The following KIAA1549L variants were observed in gnomAD, a reference collection of about 807,000 sequenced individuals.
The protein encoded by KIAA1549L is UPF0606 protein KIAA1549L.
In KIAA1549L, 88 loss-of-function variants were observed where a neutral mutation model predicts 160.7. That is an observed-to-expected ratio of 0.55 (90% CI 0.46 to 0.65). The LOEUF is 0.65. Among genes scored for constraint, KIAA1549L ranks in the 30% least tolerant of loss-of-function variants. The probability of loss-of-function intolerance (pLI) is 0.00; values close to 1 mark genes in which losing one functional copy is unlikely to be tolerated. For missense variants in KIAA1549L, 2,258 were observed against 2,437.5 expected, an observed-to-expected ratio of 0.93 and a Z score of 1.55; for synonymous variants, 950 against 976.7, an observed-to-expected ratio of 0.97 and a Z score of 0.51.
At chr11:33,544,406 A>G (rs1854162104) in intron 2 of KIAA1549L, 70 bp downstream of exon 2, 24 of 1,469,118 alleles carry the variant, frequency 1.6e-5, no homozygotes, top group Admixed American at 1.0e-4. Context: ...TTTGTGGTCA[A>G]AGCATCTTCA....
At chr11:33,637,217 C>A (rs1851459146) in intron 16 of KIAA1549L, among the ~76,000 whole-genome samples, 1 of 152,208 alleles carries the variant, frequency 6.6e-6, no homozygotes, top group Non-Finnish European at 1.5e-5. Context: ...GTCAGCAGCT[C>A]TGCCAGTTCT....
chr11:33,543,542 G>A lies in KIAA1549L; in HGVS notation c.1979G>A (p.Gly660Glu), dbSNP rs1190702665. 6.2e-7 allele frequency: 1 copy of A among 1,613,978 alleles called. No homozygotes were observed. The highest frequency in any genetic ancestry group is 8.5e-7 in the Non-Finnish European group (1 of 1,179,886). ...EAYAAAVDHS[G>E]LPASASKQVR... ...TATGCAGCTGCTGTGGACCATTCTG[G>A]GTTGCCAGCTTCAGCTTCCAAACAG... Residue 660 changes from glycine to glutamate, a missense_variant, in exon 2 of 21, where the codon GGG becomes GAG. Gly to Glu is a moderately conservative substitution (Grantham distance 98). Transcript: ENST00000658780.
chr11:33,664,339 A>C lies in KIAA1549L; in HGVS notation c.6159+3325A>C, dbSNP rs753822755. On this transcript the variant is annotated intron_variant, in intron 20 of 20. Transcript: ENST00000658780. ...TAGACTCCCCCTCTGCCTGACACCC[A>C]TCCGTGGCTCCCAGCCAGGCGTCAG... Among the ~76,000 whole-genome samples, 4 of 39,056 alleles carry C rather than the reference A, an allele frequency of 1.0e-4. No individual in the cohort carries two copies. The East Asian group carries it at 3.1e-3, about 31-fold the overall frequency. 25.6% of individuals were successfully genotyped at this position (39,056 alleles called of 152,430 possible). A position where few individuals can be genotyped will look rare whatever the true frequency, so the allele number is the denominator to read the frequency against.
At chr11:33,454,976 C>T (rs894802710) in intron 1 of KIAA1549L, among the ~76,000 whole-genome samples, 7 of 152,136 alleles carry the variant, frequency 4.6e-5, no homozygotes, top group Admixed American at 4.6e-4. Context: ...GTAGTCCCAG[C>T]TACTCGGGAG....
chr11:33,456,562 C>T lies in KIAA1549L; in HGVS notation c.238+79673C>T, dbSNP rs1248208480. 2.0e-5 allele frequency among the ~76,000 whole-genome samples: 3 copies of T among 152,068 alleles called. No individual in the cohort carries two copies. The East Asian group carries it at 5.8e-4, about 29-fold the overall frequency. ...AGTAGCTGGGACCACAGACATGAGC[C>T]ACCACCCCTGGTCAATTTTCATATT... On this transcript the variant is annotated intron_variant, in intron 1 of 20. Coordinates refer to ENST00000658780, the MANE Select transcript of KIAA1549L (RefSeq NM_012194.3).
chr11:33,528,971 G>GT (rs532821454), intron 1 of KIAA1549L, among the ~76,000 whole-genome samples: 56 of 152,226 alleles, frequency 3.7e-4, no homozygotes, highest in African/African-American at 1.0e-3. Flanking sequence ...TTATTGAAAT[G>GT]TTTTTTAAAA....
At position 33,671,215 on chromosome 11, in the gene KIAA1549L, A is replaced by C. The variant is rs1590478339; in HGVS notation, c.*3061A>C. On this transcript the variant is annotated 3_prime_UTR_variant, in exon 21 of 21. Transcript: ENST00000658780. Reference sequence around the variant, plus strand: ...TACCATCAAGGAAACGGAGACCTCAACTGCTGTTCTAGACTGTGGGGGTGC... The same window carrying C: ...TACCATCAAGGAAACGGAGACCTCACCTGCTGTTCTAGACTGTGGGGGTGC... 1 of 152,182 alleles carries C rather than the reference A, an allele frequency of 6.6e-6. No individual in the cohort carries two copies. The allele number at this position is 152,182 out of a possible 1,614,324, so 9.4% of individuals were successfully genotyped here.
Position 33,645,749 on chromosome 11 carries a change from A to G in KIAA1549L, c.5473A>G (p.Arg1825Gly). The change falls in exon 17 of 21, where the codon AGG (arginine) becomes GGG (glycine). Residue 1825 changes from arginine (R) to glycine (G), a missense_variant. Transcript: ENST00000658780. ...AGTTCCTGAGCCCCGGGGCTATTCC[A>G]GGTCTCGACAGGTGAAAGGCCACTC... ...DRVPEPRGYS[R>G]SRQVKGHSET... 1 of 1,613,968 alleles carries G rather than the reference A, an allele frequency of 6.2e-7. No homozygotes were observed. The highest frequency in any genetic ancestry group is 8.5e-7 in the Non-Finnish European group (1 of 1,179,870).
chr11:33,627,691 T>C (rs1331673804), intron 16 of KIAA1549L, among the ~76,000 whole-genome samples: 1 of 152,220 alleles, frequency 6.6e-6, no homozygotes, highest in African/African-American at 2.4e-5. Flanking sequence ...TTAGTCTTGC[T>C]AATAAACAAA....
At position 33,588,494 on chromosome 11, in the gene KIAA1549L, C is replaced by T. The variant is rs576615207; in HGVS notation, c.4567-2743C>T. 1.2e-4 allele frequency among the ~76,000 whole-genome samples: 18 copies of T among 152,092 alleles called. No homozygotes were observed. The South Asian group carries it at 3.7e-3, about 32-fold the overall frequency. On this transcript the variant is annotated intron_variant, in intron 11 of 20. Coordinates refer to ENST00000658780, the MANE Select transcript of KIAA1549L (RefSeq NM_012194.3). ...TAATTTTGGAAGCTCATCGGGGAGG[C>T]CTGGAAAGGAGCTAAATTGGAAGCA...
At chr11:33,568,357 C>G (rs564396683) in intron 9 of KIAA1549L, 130 bp downstream of exon 9, 7 of 811,774 alleles carry the variant, frequency 8.6e-6, no homozygotes, top group Non-Finnish European at 3.6e-6. Context: ...GCCATTTTAT[C>G]AAGGCTGCTC....
chr11:33,551,231 G>A lies in KIAA1549L; in HGVS notation c.3693G>A (p.Gln1231=), dbSNP rs530518732. Residue 1231 remains glutamine, a synonymous_variant, in exon 5 of 21, where the codon CAG becomes CAA. Coordinates refer to ENST00000658780, the MANE Select transcript of KIAA1549L (RefSeq NM_012194.3). ...TACTTGCCTCCCCATGGAATCCCCA[G>A]CCTGCAGGCTACTTCCAGCTAAAAA... ...VAVLASPWNP[Q]PAGYFQLKTV... is the part of the protein sequence containing the mutation. The A allele has an allele frequency of 6.2e-7, 1 of 1,613,438 alleles. No homozygotes were observed. The highest frequency in any genetic ancestry group is 1.3e-5 in the African/African-American group (1 of 75,020).
chr11:33,617,088 G>A (rs552455222), intron 15 of KIAA1549L, among the ~76,000 whole-genome samples: 2 of 149,648 alleles, frequency 1.3e-5, no homozygotes, highest in East Asian at 3.9e-4. Flanking sequence ...CTGCAGTGAG[G>A]TTATACCGCT....
intron 13 of KIAA1549L, 148 bp from the exon 14 acceptor site, chr11:33,606,493 C>T (rs770182154): frequency 1.2e-5 from 8 of 689,142 alleles, no homozygotes; most frequent in East Asian, 2.8e-5. Flanking sequence ...CTAGCAGTAG[C>T]GAGTCCTTGG....
At chr11:33,648,024 T>TGTCA (rs1399562310) in intron 17 of KIAA1549L, among the ~76,000 whole-genome samples, 1 of 152,198 alleles carries the variant, frequency 6.6e-6, no homozygotes, top group African/African-American at 2.4e-5. Context: ...AGTCTCACTC[T>TGTCA]GTCACCCAGG....
chr11:33,599,209 G>C (rs1025148965), intron 13 of KIAA1549L: 2 of 242,410 alleles, frequency 8.3e-6, no homozygotes, highest in Non-Finnish European at 1.6e-5. Flanking sequence ...AACCTTTTGC[G>C]GAATGAACTG....
chr11:33,615,857 T>C (rs1850795469), intron 15 of KIAA1549L, among the ~76,000 whole-genome samples: 1 of 152,246 alleles, frequency 6.6e-6, no homozygotes, highest in African/African-American at 2.4e-5. Context: ...AAGACAGTTG[T>C]AAAGTCTGCC....
At chr11:33,539,914 G>A (rs899946912) in intron 1 of KIAA1549L, among the ~76,000 whole-genome samples, 1 of 152,186 alleles carries the variant, frequency 6.6e-6, no homozygotes, top group Non-Finnish European at 1.5e-5. Flanking sequence ...TCTCAAGATT[G>A]TTCATAGAAA....
intron 1 of KIAA1549L, among the ~76,000 whole-genome samples, chr11:33,517,170 G>A (rs1369718437): frequency 1.3e-5 from 2 of 152,130 alleles, no homozygotes; most frequent in Non-Finnish European, 2.9e-5. Flanking sequence ...CGCCTTTCCT[G>A]CTAAGATGCT....
Sources: allele counts gnomAD v4.1 joint callset (sites outside exome capture counted in the v4.1 genomes callset), GRCh38; gene constraint gnomAD v4.1.1; transcripts MANE v1.5; gene names NCBI Gene and HGNC (gene_info 2026-07-23, HGNC 2026-07-21).